Variants in L3MBTL4 observed in about 807,000 individuals in gnomAD.
L3MBTL4 encodes the protein lethal(3)malignant brain tumor-like protein 4.
Under a neutral mutation model 84.5 loss-of-function variants are expected in L3MBTL4, and 70 were observed. The observed-to-expected ratio is 0.83, with a 90% CI of 0.68 to 1.01. The LOEUF is 1.01. Ranked by LOEUF, L3MBTL4 falls within the 50% of genes least tolerant of loss-of-function variation. The pLI, the probability that L3MBTL4 is intolerant of heterozygous loss-of-function variation, is 0.00. For synonymous variants in L3MBTL4, 274 were observed against 259.8 expected (o/e 1.05, Z -0.52); for missense variants, 715 against 754.8 (o/e 0.95, Z 0.62).
At chr18:6,321,503 G>A (rs1448974192) in intron 1 of L3MBTL4, among the ~76,000 whole-genome samples, 1 of 152,148 alleles carries the variant, frequency 6.6e-6, no homozygotes, top group African/African-American at 2.4e-5. Context: ...AAACACTATG[G>A]AGAGTTCTTT....
At chr18:6,044,035 G>T (rs2056514694) in intron 16 of L3MBTL4, among the ~76,000 whole-genome samples, 1 of 152,170 alleles carries the variant, frequency 6.6e-6, no homozygotes, top group Non-Finnish European at 1.5e-5. Flanking sequence ...CTGAGCAAAA[G>T]ACTTGAGTAA....
chr18:6,242,809 C>A (rs1389468906), intron 7 of L3MBTL4, among the ~76,000 whole-genome samples: 1 of 152,206 alleles, frequency 6.6e-6, no homozygotes, highest in African/African-American at 2.4e-5. Context: ...ACTCCTCTAG[C>A]ACATAACAAA....
intron 13 of L3MBTL4, among the ~76,000 whole-genome samples, chr18:6,165,021 C>G (rs2043570855): frequency 6.6e-6 from 1 of 152,182 alleles, no homozygotes; most frequent in Non-Finnish European, 1.5e-5. Context: ...GGCACAAGAA[C>G]TACGTGACGA....
intron 1 of L3MBTL4, among the ~76,000 whole-genome samples, chr18:6,320,387 C>T (rs2051342241): frequency 6.6e-6 from 1 of 152,070 alleles, no homozygotes; most frequent in South Asian, 2.1e-4. Flanking sequence ...AAAGACTCCT[C>T]CAGAAGTCTC....
chr18:6,138,344 G>C (rs9948722), intron 13 of L3MBTL4, 48 bp from the exon 14 acceptor site: 3 of 1,151,522 alleles, frequency 2.6e-6, no homozygotes, highest in South Asian at 2.7e-5. Flanking sequence ...CATTAAAGAA[G>C]ACTGCAAATC....
chr18:6,315,781 T>C (rs1302821747), intron 1 of L3MBTL4, among the ~76,000 whole-genome samples: 3 of 152,242 alleles, frequency 2.0e-5, no homozygotes, highest in African/African-American at 7.2e-5. Flanking sequence ...GTGGAGCCTG[T>C]CTGCATAGTG....
intron 4 of L3MBTL4, among the ~76,000 whole-genome samples, chr18:6,267,917 T>G (rs1490492705): frequency 6.6e-6 from 1 of 152,236 alleles, no homozygotes; most frequent in African/African-American, 2.4e-5. Flanking sequence ...GGGTCCTCCC[T>G]GGTCACTGAA....
rs562272176 is a variant in L3MBTL4, at chr18:6,284,144, G to T, written c.127+17759C>A. 2.0e-5 allele frequency among the ~76,000 whole-genome samples: 3 copies of T among 152,280 alleles called. No homozygotes were observed. The East Asian group carries it at 5.8e-4, about 29-fold the overall frequency. ...TTTGGTATCATTCAATTATGCATAC[G>T]AAGTCAGGAGAAAAATAAGATTCCA... On this transcript the variant is annotated intron_variant, in intron 4 of 18. Transcript: ENST00000317931.
intron 16 of L3MBTL4, among the ~76,000 whole-genome samples, chr18:6,037,238 G>C (rs988576985): frequency 1.3e-5 from 2 of 152,226 alleles, no homozygotes; most frequent in African/African-American, 4.8e-5. Flanking sequence ...CCTGCCACAG[G>C]GGTGGGAGTG....
intron 15 of L3MBTL4, among the ~76,000 whole-genome samples, chr18:6,089,585 G>C (rs1024217984): frequency 1.3e-5 from 2 of 152,066 alleles, no homozygotes; most frequent in Non-Finnish European, 2.9e-5. Context: ...ATTGCACGTG[G>C]GATTTTTTTC....
At chr18:6,128,194 T>C (rs1218399022) in intron 14 of L3MBTL4, among the ~76,000 whole-genome samples, 1 of 143,306 alleles carries the variant, frequency 7.0e-6, no homozygotes, top group Non-Finnish European at 1.5e-5. Flanking sequence ...AAAAACACAG[T>C]ATAATCAAAA....
At chr18:6,203,281 G>A (rs1223354002) in intron 12 of L3MBTL4, among the ~76,000 whole-genome samples, 3 of 152,174 alleles carry the variant, frequency 2.0e-5, no homozygotes, top group Non-Finnish European at 2.9e-5. Flanking sequence ...ATAGGGAAAC[G>A]CTGATTGAGG....
rs1567912179 is a variant in L3MBTL4 at position 5,958,148 on chromosome 18, GAAGAAGAAGAAC to G, written c.1678-1773_1678-1762del. Among the ~76,000 whole-genome samples the G allele has an allele frequency of 5.7e-4, 38 of 67,054 alleles. 1 individual carries two copies. Among genetic ancestry groups the G allele is most frequent in the African/African-American group, 1.8e-3 (32 of 17,834 alleles). The allele number at this position is 67,054 out of a possible 152,430, so 44.0% of individuals were successfully genotyped here. ...AGAAGAAAAAGAAGAAGAAGAAGAAGAAGAAGAAGAACAAGAAGAAGAAGAAGACGACGAAGA... is the reference window on the plus strand; with the variant it reads ...AGAAGAAAAAGAAGAAGAAGAAGAAGAAGAAGAAGAAGAAGACGACGAAGA... On this transcript the variant is annotated intron_variant, in intron 18 of 18. Transcript: ENST00000317931.
chr18:6,205,060 C>T (rs545472502), intron 12 of L3MBTL4, among the ~76,000 whole-genome samples: 514 of 152,256 alleles, frequency 3.4e-3, no homozygotes, highest in Non-Finnish European at 5.2e-3. Flanking sequence ...GAATAGGTCC[C>T]GTAACATGGC....
At chr18:6,178,569 T>C (rs2044326452) in intron 12 of L3MBTL4, among the ~76,000 whole-genome samples, 1 of 152,230 alleles carries the variant, frequency 6.6e-6, no homozygotes, top group African/African-American at 2.4e-5. Flanking sequence ...TATCTGGGTT[T>C]GCATAAAATA....
intron 14 of L3MBTL4, among the ~76,000 whole-genome samples, chr18:6,134,859 G>A (rs56293452): frequency 0.14 from 21,888 of 152,182 alleles, 1,703 homozygotes; most frequent in Middle Eastern, 0.21. Flanking sequence ...CTGGAGGACA[G>A]AGGCCCTCTT....
chr18:6,229,796 G>A (rs914976668), intron 10 of L3MBTL4, among the ~76,000 whole-genome samples: 2 of 152,132 alleles, frequency 1.3e-5, no homozygotes, highest in Non-Finnish European at 2.9e-5. Flanking sequence ...CTGCAAGGGT[G>A]TATTTGTGAG....
intron 16 of L3MBTL4, among the ~76,000 whole-genome samples, chr18:6,012,243 C>T (rs1200117061): frequency 6.6e-6 from 1 of 152,050 alleles, no homozygotes; most frequent in Non-Finnish European, 1.5e-5. Flanking sequence ...GAAAGGTTAT[C>T]CTAAGAGCTG....
chr18:6,415,067 A>C (rs888585746), upstream of L3MBTL4: 2 of 152,170 alleles, frequency 1.3e-5, no homozygotes, highest in African/African-American at 4.8e-5. Context: ...GGGCTTTCCC[A>C]TGGGAGGGAG....
Sources: gnomAD v4.1 joint callset for allele counts (sites outside exome capture counted in the v4.1 genomes callset) on GRCh38, gnomAD v4.1.1 for gene constraint, MANE v1.5 for transcripts, NCBI Gene and HGNC (gene_info 2026-07-23, HGNC 2026-07-21) for gene names.